Variants in CDK8 observed in about 807,000 individuals in gnomAD.
CDK8 encodes the protein cyclin-dependent kinase 8.
Under a neutral mutation model 71.5 loss-of-function variants are expected in CDK8, and 29 were observed. The ratio of observed to expected loss-of-function variants is 0.41; its 90% CI spans 0.30 to 0.55. CDK8 has a LOEUF of 0.55. Among genes scored for constraint, CDK8 ranks in the 20% least tolerant of loss-of-function variants. The pLI, the probability that CDK8 is intolerant of heterozygous loss-of-function variation, is 0.37. For missense variants in CDK8, 288 were observed against 572.6 expected, an observed-to-expected ratio of 0.50 and a Z score of 5.07; for synonymous variants, 161 against 192.1, an observed-to-expected ratio of 0.84 and a Z score of 1.34.
intron 1 of CDK8, among the ~76,000 whole-genome samples, chr13:26,273,575 C>T (rs1338522199): frequency 6.6e-6 from 1 of 151,828 alleles, no homozygotes; most frequent in African/African-American, 2.4e-5. Flanking sequence ...ATATGATATA[C>T]TTGGAACACA....
chr13:26,374,624 T>TAGAG (rs59025788), intron 4 of CDK8, among the ~76,000 whole-genome samples: 15,336 of 152,024 alleles, frequency 0.1, 2,517 homozygotes, highest in African/African-American at 0.35. Flanking sequence ...ATCTAGAATA[T>TAGAG]AATCAACATG....
chr13:26,298,781 C>T (rs1215792069), intron 1 of CDK8, among the ~76,000 whole-genome samples: 3 of 152,112 alleles, frequency 2.0e-5, no homozygotes, highest in Admixed American at 6.6e-5. Context: ...ACATAGACCA[C>T]GGCACCCTTG....
At chr13:26,355,391 G>A (rs1261558952) in intron 4 of CDK8, among the ~76,000 whole-genome samples, 3 of 152,200 alleles carry the variant, frequency 2.0e-5, no homozygotes, top group Non-Finnish European at 2.9e-5. Flanking sequence ...CAAGGCGGGT[G>A]GATCACGAGG....
At chr13:26,360,531 T>C (rs1215556067) in intron 4 of CDK8, among the ~76,000 whole-genome samples, 1 of 152,088 alleles carries the variant, frequency 6.6e-6, no homozygotes, top group Non-Finnish European at 1.5e-5. Context: ...ATATCTAAAA[T>C]CCTATTACAG....
intron 1 of CDK8, among the ~76,000 whole-genome samples, chr13:26,291,256 C>G (rs1039352611): frequency 6.6e-6 from 1 of 152,072 alleles, no homozygotes; most frequent in Non-Finnish European, 1.5e-5. Flanking sequence ...GTACAGTAGG[C>G]TATACCATCT....
At chr13:26,352,374 C>A (rs765674265) in intron 3 of CDK8, among the ~76,000 whole-genome samples, 16 of 152,088 alleles carry the variant, frequency 1.1e-4, no homozygotes, top group African/African-American at 3.9e-4. Context: ...TGCCACCACT[C>A]CCGGCTAATT....
intron 2 of CDK8, among the ~76,000 whole-genome samples, chr13:26,339,754 A>ATATATATATATATATATATATATATAT (rs66521623): frequency 7.7e-6 from 1 of 129,350 alleles, no homozygotes; most frequent in African/African-American, 2.9e-5. Flanking sequence ...ACTTAAAAAA[A>ATATATATATATATATATATATATATAT]AAATATATAT....
At chr13:26,344,636 G>A (rs1327660682) in intron 2 of CDK8, among the ~76,000 whole-genome samples, 9 of 152,052 alleles carry the variant, frequency 5.9e-5, no homozygotes, top group Non-Finnish European at 1.0e-4. Context: ...GTGTGGTGGT[G>A]CATGCCTGTG....
intron 1 of CDK8, among the ~76,000 whole-genome samples, chr13:26,272,785 A>G (rs766222364): frequency 6.6e-6 from 1 of 152,220 alleles, no homozygotes; most frequent in Non-Finnish European, 1.5e-5. Flanking sequence ...GCTTTGCACT[A>G]TGAAGTTACA....
intron 1 of CDK8, among the ~76,000 whole-genome samples, chr13:26,292,954 T>G (rs932569695): frequency 6.6e-6 from 1 of 152,196 alleles, no homozygotes; most frequent in African/African-American, 2.4e-5. Context: ...GGATTTTATT[T>G]TATTTATTAT....
In CDK8 at chr13:26,359,099, T is replaced by A. The variant is rs1257875668; in HGVS notation, c.456+5219T>A. On this transcript the variant is annotated intron_variant, in intron 4 of 12. Transcript: ENST00000381527. ...GTACAAGGATGAACCTTGAGGACATTATACTAAGTGAAATAAGCTAGTCAC... is the reference window on the plus strand; with the variant it reads ...GTACAAGGATGAACCTTGAGGACATAATACTAAGTGAAATAAGCTAGTCAC... 3 of 225,076 alleles carry A rather than the reference T, an allele frequency of 1.3e-5. No individual in the cohort carries two copies. The Admixed American group carries it at 1.6e-4, about 12-fold the overall frequency. The allele number at this position is 225,076 out of a possible 1,614,324, so 13.9% of individuals were successfully genotyped here. A position where few individuals can be genotyped will look rare whatever the true frequency, so the allele number is the denominator to read the frequency against.
chr13:26,270,148 G>T (rs987938426), intron 1 of CDK8, among the ~76,000 whole-genome samples: 17 of 151,912 alleles, frequency 1.1e-4, no homozygotes, highest in African/African-American at 4.1e-4. Flanking sequence ...CCAGCACTTT[G>T]GGAGGCCGAG....
At chr13:26,274,678 G>A (rs1283470946) in intron 1 of CDK8, among the ~76,000 whole-genome samples, 6 of 151,942 alleles carry the variant, frequency 3.9e-5, no homozygotes, top group African/African-American at 9.7e-5. Context: ...TGATCCGCCC[G>A]GCTCATCCTC....
chr13:26,353,712 T>G (rs1404867524), intron 3 of CDK8, 28 bp from the exon 4 acceptor site: 1 of 1,552,844 alleles, frequency 6.4e-7, no homozygotes. Context: ...TTTTTAAGCT[T>G]CTGTTGATAT....
intron 3 of CDK8, among the ~76,000 whole-genome samples, chr13:26,351,481 T>C (rs749163182): frequency 2.0e-4 from 30 of 152,272 alleles, no homozygotes; most frequent in Non-Finnish European, 4.0e-4. Context: ...TAAAGTCATA[T>C]AATTTAAACT....
intron 1 of CDK8, among the ~76,000 whole-genome samples, chr13:26,294,728 C>CTTT: frequency 6.6e-6 from 1 of 152,072 alleles, no homozygotes; most frequent in Non-Finnish European, 1.5e-5. Flanking sequence ...TATTGAGGTT[C>CTTT]TTTGTTCATG....
intron 1 of CDK8, among the ~76,000 whole-genome samples, chr13:26,284,301 A>G (rs770260197): frequency 4.6e-5 from 7 of 152,186 alleles, no homozygotes; most frequent in Admixed American, 3.9e-4. Flanking sequence ...TTAGAGCAGA[A>G]CTAAACAAAA....
At chr13:26,324,834 A>G in intron 1 of CDK8, 1 of 842,868 alleles carries the variant, frequency 1.2e-6, no homozygotes, top group Non-Finnish European at 1.4e-6. Context: ...AAGTAATTTA[A>G]TGGAAAACCT....
intron 1 of CDK8, among the ~76,000 whole-genome samples, chr13:26,316,607 C>A (rs923063455): frequency 2.3e-4 from 35 of 152,040 alleles, no homozygotes; most frequent in African/African-American, 8.0e-4. Flanking sequence ...TCAGAAAAAA[C>A]CTGAGAAGAC....
Sources: gnomAD v4.1 joint callset for allele counts (sites outside exome capture counted in the v4.1 genomes callset) on GRCh38, gnomAD v4.1.1 for gene constraint, MANE v1.5 for transcripts, NCBI Gene and HGNC (gene_info 2026-07-23, HGNC 2026-07-21) for gene names.